Variants in AIPL1 observed in about 807,000 individuals in gnomAD.
AIPL1 encodes the protein AIP like 1 HSP90 co-chaperone, also known as aryl-hydrocarbon-interacting protein-like 1.
AIPL1 carries 23 observed loss-of-function variants against 32.9 expected under a neutral mutation model. The observed-to-expected ratio is 0.70, with a 90% CI of 0.50 to 0.99. The LOEUF (loss-of-function observed/expected upper bound fraction) is 0.99. Among genes scored for constraint, AIPL1 ranks in the 50% least tolerant of loss-of-function variants. AIPL1 has a pLI of 0.00. For missense variants in AIPL1, 485 were observed against 506.0 expected (o/e 0.96, Z 0.40); for synonymous variants, 210 against 209.4 (o/e 1.00, Z -0.02).
Position 6,428,387 on chromosome 17 carries a change from C to T in AIPL1, c.396G>A (p.Leu132=), listed in dbSNP as rs1359534422. The change falls in exon 3 of 6, where the codon CTG becomes CTA. Residue 132 remains leucine, a synonymous_variant. Transcript: ENST00000381129. ...GCAGCTCGTCCAGGTCCTCGTAGCC[C>T]AGCGTGTGGTAGGCGAACATGTTGG... ...GLANMFAYHT[L]GYEDLDELQK... 1 of 1,612,826 alleles carries T rather than the reference C, an allele frequency of 6.2e-7. No individual in the cohort carries two copies. The highest frequency in any genetic ancestry group is 1.7e-5 in the Admixed American group (1 of 60,008).
At chr17:6,429,606 C>T (rs1049477058) in intron 2 of AIPL1, among the ~76,000 whole-genome samples, 3 of 152,194 alleles carry the variant, frequency 2.0e-5, no homozygotes, top group Admixed American at 1.3e-4. Context: ...GCAAGCTGAG[C>T]GTGCTTTTGT....
chr17:6,424,974 C>T lies in AIPL1; in HGVS notation c.*486G>A, dbSNP rs1230088097. The T allele has an allele frequency of 1.3e-5, 2 of 153,942 alleles. No homozygotes were observed. The highest frequency in any genetic ancestry group is 2.9e-5 in the Non-Finnish European group (2 of 69,234). The allele number at this position is 153,942 out of a possible 1,614,324, so 9.5% of individuals were successfully genotyped here. On this transcript the variant is annotated 3_prime_UTR_variant, in exon 6 of 6. Coordinates refer to ENST00000381129, the MANE Select transcript of AIPL1 (RefSeq NM_014336.5). ...CCAGTGTCGGGGCTTGCCCACCCTA[C>T]ATCAAGACCCACTAAAGTCAGTGGG...
intron 1 of AIPL1, 183 bp downstream of exon 1, chr17:6,434,826 T>A (rs922613094): frequency 1.8e-6 from 2 of 1,115,620 alleles, no homozygotes; most frequent in Non-Finnish European, 1.2e-6. Context: ...AAGTTGAATC[T>A]GCAAAGTACC....
At chr17:6,432,300 G>A (rs181925087) in intron 2 of AIPL1, among the ~76,000 whole-genome samples, 2 of 152,042 alleles carry the variant, frequency 1.3e-5, no homozygotes, top group South Asian at 2.1e-4. Context: ...ACTTGAACCC[G>A]GGAGGCCAAG....
chr17:6,432,740 C>G (rs1220182994), intron 2 of AIPL1, among the ~76,000 whole-genome samples: 4 of 151,922 alleles, frequency 2.6e-5, no homozygotes, highest in Non-Finnish European at 2.9e-5. Context: ...AAGTGATTCT[C>G]CTGCCTCAGC....
At chr17:6,426,454 C>A in intron 5 of AIPL1, 161 bp downstream of exon 5, 1 of 1,485,250 alleles carries the variant, frequency 6.7e-7, no homozygotes. Context: ...GCCCATCCAT[C>A]ACCCACAATT....
chr17:6,428,377 C>A lies in AIPL1; in HGVS notation c.406G>T (p.Asp136Tyr). Reference protein sequence around the residue: ...MFAYHTLGYEDLDELQKEPQP... With the variant: ...MFAYHTLGYEYLDELQKEPQP... ...GGCTCCTTCTGCAGCTCGTCCAGGT[C>A]CTCGTAGCCCAGCGTGTGGTAGGCG... The change falls in exon 3 of 6, where the codon GAC becomes TAC. Residue 136 changes from aspartate to tyrosine, a missense_variant. By Grantham distance (160) the Asp-to-Tyr change is radical. Transcript: ENST00000381129. The A allele has an allele frequency of 6.2e-7, 1 of 1,612,518 alleles. No homozygotes were observed. Among genetic ancestry groups the A allele is most frequent in the East Asian group, 2.2e-5 (1 of 44,872 alleles).
intron 2 of AIPL1, 111 bp from the exon 3 acceptor site, chr17:6,428,617 T>C: frequency 3.0e-6 from 3 of 989,528 alleles, no homozygotes; most frequent in Non-Finnish European, 4.7e-6. Context: ...TCCCTCACTA[T>C]GCCACTCATA....
intron 2 of AIPL1, among the ~76,000 whole-genome samples, chr17:6,429,831 GATAGATAGATAGATAGATAGA>G: frequency 8.5e-6 from 1 of 117,470 alleles, no homozygotes; most frequent in African/African-American, 2.8e-5. Flanking sequence ...TAGGTAGATA[GATAGATAGATAGATAGATAGA>G]TAGATAGATA....
rs1911647220 is a variant in AIPL1, at chr17:6,423,752, G to GT, written c.*1707dup. ...ACACAGCCACAATCATGCAAATGCTGTTTATTGATTTTCAGATTGTAGAAT... is the reference window on the plus strand; with the variant it reads ...ACACAGCCACAATCATGCAAATGCTGTTTTATTGATTTTCAGATTGTAGAAT... On this transcript the variant is annotated 3_prime_UTR_variant, in exon 6 of 6. Coordinates refer to ENST00000381129, the MANE Select transcript of AIPL1 (RefSeq NM_014336.5). The GT allele has an allele frequency of 6.6e-6, 1 of 152,194 alleles. No homozygotes were observed. The highest frequency in any genetic ancestry group is 2.4e-5 in the African/African-American group (1 of 41,438). 9.4% of individuals were successfully genotyped at this position (152,194 alleles called of 1,614,324 possible). A position where few individuals can be genotyped will look rare whatever the true frequency, so the allele number is the denominator to read the frequency against.
chr17:6,428,147 A>G (rs1353460461), intron 3 of AIPL1, among the ~76,000 whole-genome samples, 171 bp downstream of exon 3: 3 of 152,194 alleles, frequency 2.0e-5, no homozygotes, highest in African/African-American at 7.2e-5. Context: ...TGGAAAAATC[A>G]GAGGACTTTT....
rs1490349168 is a variant in AIPL1 at position 6,424,401 on chromosome 17, T to C, written c.*1059A>G. The C allele has an allele frequency of 6.6e-6, 1 of 152,206 alleles. No individual in the cohort carries two copies. The highest frequency in any genetic ancestry group is 1.5e-5 in the Non-Finnish European group (1 of 68,068). 9.4% of individuals were successfully genotyped at this position (152,206 alleles called of 1,614,324 possible). ...TCCTTAATCTACATGTAATTAAAAG[T>C]GGGTATAAATCTGACTGCAGAACTG... On this transcript the variant is annotated 3_prime_UTR_variant, in exon 6 of 6. Coordinates refer to ENST00000381129, the MANE Select transcript of AIPL1 (RefSeq NM_014336.5).
chr17:6,430,007 G>A (rs553328204), intron 2 of AIPL1, among the ~76,000 whole-genome samples: 5 of 152,080 alleles, frequency 3.3e-5, no homozygotes, highest in Admixed American at 2.0e-4. Flanking sequence ...AGATGGATAA[G>A]AGGTGGATGT....
intron 2 of AIPL1, among the ~76,000 whole-genome samples, chr17:6,432,208 C>A (rs1308340987): frequency 6.6e-6 from 1 of 151,994 alleles, no homozygotes; most frequent in Non-Finnish European, 1.5e-5. Context: ...CATGGTGAAA[C>A]CCTGTCTGTA....
chr17:6,424,455 G>A lies in AIPL1; in HGVS notation c.*1005C>T, dbSNP rs1169982710. On this transcript the variant is annotated 3_prime_UTR_variant, in exon 6 of 6. Transcript: ENST00000381129. ...TGAGCTGCTGCTCGCTGCCTATGGG[G>A]TAGCCCTGCTCTGCAGGGCAGTCAC... The A allele has an allele frequency of 1.3e-5, 2 of 152,302 alleles. No individual in the cohort carries two copies. Among genetic ancestry groups the A allele is most frequent in the Non-Finnish European group, 2.9e-5 (2 of 68,086 alleles). The allele number at this position is 152,302 out of a possible 1,614,324, so 9.4% of individuals were successfully genotyped here.
rs1912906099 is a variant in AIPL1, at chr17:6,434,014, T to C, written c.181A>G (p.Ile61Val). 1 of 1,613,564 alleles carries C rather than the reference T, an allele frequency of 6.2e-7. No homozygotes were observed. Among genetic ancestry groups the C allele is most frequent in the Non-Finnish European group, 8.5e-7 (1 of 1,179,992 alleles). ...DSRQVGQPMH[I>V]IIGNMFKLEV... ...AGCTTGAACATGTTTCCGATGATGATGTGCATGGGCTGGCCCACCTGCCGA... is the reference window on the plus strand; with the variant it reads ...AGCTTGAACATGTTTCCGATGATGACGTGCATGGGCTGGCCCACCTGCCGA... Residue 61 changes from isoleucine (I) to valine (V), a missense_variant, in exon 2 of 6, where the codon ATC (isoleucine) becomes GTC (valine). Ile to Val is a conservative substitution (Grantham distance 29). Coordinates refer to ENST00000381129, the MANE Select transcript of AIPL1 (RefSeq NM_014336.5).
In AIPL1 at chr17:6,434,839, A is replaced by C. The variant is rs568125648; in HGVS notation, c.96+170T>G. On this transcript the variant is annotated intron_variant, in intron 1 of 5. Transcript: ENST00000381129. ...TAAAGTTGAATCTGCAAAGTACCAAAAATGCCCCCTGAATGGGTAAACGCT... is the reference window on the plus strand; with the variant it reads ...TAAAGTTGAATCTGCAAAGTACCAACAATGCCCCCTGAATGGGTAAACGCT... 4.3e-4 allele frequency: 535 copies of C among 1,249,920 alleles called. 11 individuals are homozygous for C. In the South Asian group the frequency reaches 8.1e-3, roughly 19 times the overall value. The allele number at this position is 1,249,920 out of a possible 1,614,324, so 77.4% of individuals were successfully genotyped here.
At chr17:6,431,307 A>AAAAAAT (rs1555547382) in intron 2 of AIPL1, among the ~76,000 whole-genome samples, 1 of 150,844 alleles carries the variant, frequency 6.6e-6, no homozygotes. Flanking sequence ...AAAAAAAAAA[A>AAAAAAT]AGCCAGGTGT....
rs373283640 is a variant in AIPL1, at chr17:6,433,940, G to A, written c.255C>T (p.Ala85=). Residue 85 remains alanine, a synonymous_variant, in exon 2 of 6, where the codon GCC becomes GCT. Coordinates refer to ENST00000381129, the MANE Select transcript of AIPL1 (RefSeq NM_014336.5). The part of the protein sequence containing the change: ...LLTSMRVHEV[A]EFWCDTIHTG... ...TTACGATGGTGTCGCACCAGAACTCGGCCACCTCGTGCACCCGCATGGAGG... is the reference window on the plus strand; with the variant it reads ...TTACGATGGTGTCGCACCAGAACTCAGCCACCTCGTGCACCCGCATGGAGG... 6.2e-6 allele frequency: 10 copies of A among 1,609,560 alleles called. No individual in the cohort carries two copies. In the Admixed American group the frequency reaches 1.2e-4, roughly 19 times the overall value.
Sources: allele counts gnomAD v4.1 joint callset (sites outside exome capture counted in the v4.1 genomes callset), GRCh38; gene constraint gnomAD v4.1.1; transcripts MANE v1.5; gene names NCBI Gene and HGNC (gene_info 2026-07-23, HGNC 2026-07-21).